SOX5: variants seen among roughly 807,000 people sequenced by gnomAD.
The protein encoded by SOX5 is transcription factor SOX-5.
A neutral mutation model predicts 92.0 loss-of-function variants in SOX5; 9 were observed. The observed-to-expected ratio is 0.10, with a 90% CI of 0.06 to 0.17. The LOEUF (loss-of-function observed/expected upper bound fraction) is 0.17. SOX5 is among the 10% of genes least tolerant of loss of function. The pLI, the probability that SOX5 is intolerant of heterozygous loss-of-function variation, is 1.00. For missense variants in SOX5, 642 were observed against 944.5 expected, an observed-to-expected ratio of 0.68 and a Z score of 4.20; for synonymous variants, 344 against 336.3, an observed-to-expected ratio of 1.02 and a Z score of -0.25.
chr12:24,117,595 A>T (rs1303604758), intron 4 of SOX5, among the ~76,000 whole-genome samples: 1 of 152,240 alleles, frequency 6.6e-6, no homozygotes, highest in Non-Finnish European at 1.5e-5. Flanking sequence ...GAATGGATAA[A>T]GAAAATATGG....
At chr12:23,758,498 T>C (rs1195719550) in intron 3 of SOX5, among the ~76,000 whole-genome samples, 4 of 151,818 alleles carry the variant, frequency 2.6e-5, no homozygotes, top group Non-Finnish European at 1.5e-5. Flanking sequence ...GTCCTTCACA[T>C]GTGGTATCTC....
chr12:24,363,950 A>G (rs1483984352), intron 2 of SOX5, among the ~76,000 whole-genome samples: 2 of 152,340 alleles, frequency 1.3e-5, no homozygotes, highest in East Asian at 3.9e-4. Context: ...TAAAACAAAC[A>G]AACAGAAAAC....
intron 4 of SOX5, among the ~76,000 whole-genome samples, chr12:24,021,487 A>G (rs1443802798): frequency 6.6e-6 from 1 of 152,176 alleles, no homozygotes; most frequent in Non-Finnish European, 1.5e-5. Context: ...GTCCACACCA[A>G]CGAGCTATTA....
chr12:23,739,144 C>T (rs1483016222), intron 5 of SOX5, among the ~76,000 whole-genome samples: 1 of 152,130 alleles, frequency 6.6e-6, no homozygotes, highest in Non-Finnish European at 1.5e-5. Flanking sequence ...GATGTGTAGA[C>T]ACACGAATAT....
chr12:24,339,980 A>G (rs1479947399), intron 2 of SOX5, among the ~76,000 whole-genome samples: 4 of 152,162 alleles, frequency 2.6e-5, no homozygotes, highest in African/African-American at 9.6e-5. Context: ...GCAGGGTGCT[A>G]GCATGCTAGG....
chr12:24,368,419 T>C (rs1326132549), intron 2 of SOX5: 1 of 152,254 alleles, frequency 6.6e-6, no homozygotes, highest in Non-Finnish European at 1.5e-5. Flanking sequence ...CAACATTTTT[T>C]GGCATTAGTA....
chr12:24,545,311 T>C (rs1952518799), intron 1 of SOX5, among the ~76,000 whole-genome samples: 1 of 152,172 alleles, frequency 6.6e-6, no homozygotes, highest in African/African-American at 2.4e-5. Flanking sequence ...CAATTACTAA[T>C]AAACTGACAT....
At chr12:23,559,841 C>A (rs1945876690) in intron 11 of SOX5, among the ~76,000 whole-genome samples, 1 of 152,074 alleles carries the variant, frequency 6.6e-6, no homozygotes, top group Non-Finnish European at 1.5e-5. Flanking sequence ...TCCTTTCCCT[C>A]TTTCTTTCTG....
chr12:24,234,113 T>C (rs2948116), intron 3 of SOX5, among the ~76,000 whole-genome samples: 71,780 of 151,994 alleles, frequency 0.47, 17,589 homozygotes, highest in African/African-American at 0.52. Flanking sequence ...CTATAATGTG[T>C]GCTTGGGAAA....
intron 4 of SOX5, 93 bp downstream of exon 4, chr12:23,755,545 A>G: frequency 1.2e-6 from 1 of 838,822 alleles, no homozygotes; most frequent in Non-Finnish European, 1.9e-6. Flanking sequence ...GAAGCAGAAG[A>G]GGTGAGGGCA....
At chr12:24,384,353 T>A (rs1958147432) in intron 1 of SOX5, among the ~76,000 whole-genome samples, 1 of 152,204 alleles carries the variant, frequency 6.6e-6, no homozygotes, top group African/African-American at 2.4e-5. Flanking sequence ...CGCCTCCTGT[T>A]GTATGGCCCG....
At chr12:23,767,650 C>T (rs555666383) in intron 3 of SOX5, among the ~76,000 whole-genome samples, 13 of 151,990 alleles carry the variant, frequency 8.6e-5, no homozygotes, top group African/African-American at 2.7e-4. Flanking sequence ...TTAAAACCAT[C>T]GGTGAGTAAT....
intron 2 of SOX5, among the ~76,000 whole-genome samples, chr12:24,311,913 G>T (rs893830859): frequency 1.3e-5 from 2 of 151,954 alleles, no homozygotes; most frequent in Non-Finnish European, 2.9e-5. Context: ...TTCATCCTAG[G>T]CAAATATTTA....
chr12:23,808,135 T>A (rs1050361910), intron 3 of SOX5, among the ~76,000 whole-genome samples: 3 of 150,436 alleles, frequency 2.0e-5, no homozygotes, highest in Non-Finnish European at 4.4e-5. Flanking sequence ...ATATATATTT[T>A]TATATGAACA....
chr12:24,111,831 T>C (rs1947384793), intron 4 of SOX5, among the ~76,000 whole-genome samples: 1 of 152,208 alleles, frequency 6.6e-6, no homozygotes, highest in Admixed American at 6.5e-5. Context: ...TCATTACTCA[T>C]AAATTATTTT....
At chr12:23,645,191 C>T (rs2080668943) in intron 7 of SOX5, among the ~76,000 whole-genome samples, 1 of 152,106 alleles carries the variant, frequency 6.6e-6, no homozygotes, top group Admixed American at 6.6e-5. Flanking sequence ...AGGCTTCAAT[C>T]TTAAGGGAAT....
intron 3 of SOX5, among the ~76,000 whole-genome samples, chr12:23,809,652 G>C (rs1397896295): frequency 6.8e-6 from 1 of 147,868 alleles, no homozygotes; most frequent in African/African-American, 2.5e-5. Flanking sequence ...ATTCAATCTT[G>C]CTTAACCAAG....
chr12:24,413,303 T>A (rs897120127), intron 1 of SOX5, among the ~76,000 whole-genome samples: 4 of 152,218 alleles, frequency 2.6e-5, no homozygotes, highest in African/African-American at 9.7e-5. Context: ...TTATATAATA[T>A]CCCTCTCTGT....
chr12:23,775,462 A>G (rs2095067589), intron 3 of SOX5, among the ~76,000 whole-genome samples: 1 of 152,302 alleles, frequency 6.6e-6, no homozygotes, highest in South Asian at 2.1e-4. Flanking sequence ...CTGACCCACC[A>G]AGCCCACTAA....
Sources: allele counts gnomAD v4.1 joint callset (sites outside exome capture counted in the v4.1 genomes callset), GRCh38; gene constraint gnomAD v4.1.1; transcripts MANE v1.5; gene names NCBI Gene and HGNC (gene_info 2026-07-23, HGNC 2026-07-21).